Variants in TPD52 observed in about 807,000 individuals in gnomAD.
TPD52 encodes tumor protein D52, also known as prostate and colon associated protein.
In TPD52, 17 loss-of-function variants were observed where a neutral mutation model predicts 31.3. The observed-to-expected ratio is 0.54, with a 90% confidence interval of 0.37 to 0.82. The LOEUF is 0.82. Ranked by LOEUF, TPD52 falls within the 40% of genes least tolerant of loss-of-function variation. The pLI is 0.00. For synonymous variants in TPD52, 83 were observed against 89.6 expected (o/e 0.93, Z 0.42); for missense variants, 212 against 240.1 (o/e 0.88, Z 0.77).
rs751830165 is a variant in TPD52, at chr8:80,161,022, A to T, written c.19+10403T>A. On this transcript the variant is annotated intron_variant, in intron 1 of 7. Coordinates refer to ENST00000518937, the MANE Select transcript of TPD52 (RefSeq NM_001025253.3). ...AGTTGCAGTGAGCCTCAATCACTGC[A>T]CTCCACTGCACTCCAGCCTGGGCAA... Among the ~76,000 whole-genome samples, 9 of 151,870 alleles carry T rather than the reference A, an allele frequency of 5.9e-5. No homozygotes were observed. The South Asian group carries it at 1.7e-3, about 28-fold the overall frequency.
intron 1 of TPD52, among the ~76,000 whole-genome samples, chr8:80,139,481 AG>A (rs1446985043): frequency 1.3e-5 from 2 of 152,198 alleles, no homozygotes; most frequent in Non-Finnish European, 2.9e-5. Context: ...TAAACTGTCC[AG>A]GTTATCCAAA....
intron 1 of TPD52, among the ~76,000 whole-genome samples, chr8:80,111,163 G>C (rs970425892): frequency 5.3e-5 from 8 of 152,198 alleles, no homozygotes; most frequent in African/African-American, 1.9e-4. Context: ...AGTGAGCTAC[G>C]ATATCATCAC....
At chr8:80,134,236 C>G (rs947184264) in intron 1 of TPD52, among the ~76,000 whole-genome samples, 1 of 152,214 alleles carries the variant, frequency 6.6e-6, no homozygotes, top group Non-Finnish European at 1.5e-5. Flanking sequence ...TGCCTTGGTC[C>G]TTACCCAACC....
At chr8:80,117,720 C>CA (rs1029570719) in intron 1 of TPD52, among the ~76,000 whole-genome samples, 2 of 135,744 alleles carry the variant, frequency 1.5e-5, no homozygotes, top group South Asian at 2.3e-4. Flanking sequence ...CTCATGCTTT[C>CA]TTTTTTTTTC....
chr8:80,117,072 T>C (rs1316615687), intron 1 of TPD52, among the ~76,000 whole-genome samples: 2 of 152,186 alleles, frequency 1.3e-5, no homozygotes, highest in African/African-American at 2.4e-5. Flanking sequence ...CGAATGTTTT[T>C]CCCCTAAGAC....
intron 1 of TPD52, among the ~76,000 whole-genome samples, chr8:80,114,406 A>G (rs534268853): frequency 1.4e-4 from 22 of 152,320 alleles, no homozygotes; most frequent in African/African-American, 4.8e-4. Flanking sequence ...CAACTAAAAC[A>G]TAAGTTTTAG....
rs529269059 is a variant in TPD52, at chr8:80,101,426, C to T, written c.20-36833G>A. Among the ~76,000 whole-genome samples, 5 of 131,826 alleles carry T rather than the reference C, an allele frequency of 3.8e-5. No homozygotes were observed. In the East Asian group the frequency reaches 8.3e-4, roughly 22 times the overall value. The allele number at this position is 131,826 out of a possible 152,430, so 86.5% of individuals were successfully genotyped here. ...CGGCAACACTACAATCCAGCCTGGG[C>T]GACAGAGTGAGACTCCCAGCTCAAA... On this transcript the variant is annotated intron_variant, in intron 1 of 7. Transcript: ENST00000518937.
At chr8:80,145,197 C>T (rs564836219) in intron 1 of TPD52, among the ~76,000 whole-genome samples, 1 of 152,156 alleles carries the variant, frequency 6.6e-6, no homozygotes, top group Non-Finnish European at 1.5e-5. Context: ...AGTTTCCTTA[C>T]AAGAGAAAGG....
intron 1 of TPD52, among the ~76,000 whole-genome samples, chr8:80,129,521 T>C (rs964623707): frequency 6.6e-6 from 1 of 152,194 alleles, no homozygotes; most frequent in African/African-American, 2.4e-5. Context: ...AGCTGAGCCA[T>C]AGCTAAGTGC....
intron 1 of TPD52, among the ~76,000 whole-genome samples, chr8:80,119,351 C>G (rs766397641): frequency 4.7e-4 from 72 of 152,170 alleles, no homozygotes; most frequent in Non-Finnish European, 9.6e-4. Flanking sequence ...AAATGTTGTA[C>G]AAGTATCTGG....
At chr8:80,158,761 G>T (rs1811143272) in intron 1 of TPD52, 1 of 151,296 alleles carries the variant, frequency 6.6e-6, no homozygotes, top group African/African-American at 2.4e-5. Context: ...CGGCTAAAAC[G>T]ATGAAACCCC....
chr8:80,076,946 C>T lies in TPD52; in HGVS notation c.20-12353G>A, dbSNP rs148508441. Among the ~76,000 whole-genome samples, 624 of 151,922 alleles carry T rather than the reference C, an allele frequency of 4.1e-3. 15 individuals are homozygous for T. The highest frequency in any genetic ancestry group is 0.037 in the Admixed American group (562 of 15,256). On this transcript the variant is annotated intron_variant, in intron 1 of 7. Transcript: ENST00000518937. ...ACTCCCAAAGTGCTGGGATTACAGGCATGATCCACTGCGCCCAGCCAAAAG... is the reference window on the plus strand; with the variant it reads ...ACTCCCAAAGTGCTGGGATTACAGGTATGATCCACTGCGCCCAGCCAAAAG...
At chr8:80,100,765 C>T (rs768932459) in intron 1 of TPD52, among the ~76,000 whole-genome samples, 11 of 152,200 alleles carry the variant, frequency 7.2e-5, no homozygotes, top group South Asian at 2.1e-4. Context: ...GACCAATGTC[C>T]CAGCTGGAAG....
rs34027501 is a variant in TPD52 at position 80,164,898 on chromosome 8, CAAAAAAAAA to C, written c.19+6518_19+6526del. On this transcript the variant is annotated intron_variant, in intron 1 of 7. Coordinates refer to ENST00000518937, the MANE Select transcript of TPD52 (RefSeq NM_001025253.3). Reference sequence around the variant, plus strand: ...TGGGTGGCAGAGGGAGACAATGTCTCAAAAAAAAAAAAAAAAAAAAAAAAAAAAAGAGCT... The same window carrying C: ...TGGGTGGCAGAGGGAGACAATGTCTCAAAAAAAAAAAAAAAAAAAAGAGCT... 1.7e-3 allele frequency among the ~76,000 whole-genome samples: 54 copies of C among 31,908 alleles called. 1 individual carries two copies. The highest frequency in any genetic ancestry group is 5.2e-3 in the African/African-American group (47 of 9,006). 20.9% of individuals were successfully genotyped at this position (31,908 alleles called of 152,430 possible). A position where few individuals can be genotyped will look rare whatever the true frequency, so the allele number is the denominator to read the frequency against.
chr8:80,142,359 G>C (rs1244740414), intron 1 of TPD52, among the ~76,000 whole-genome samples: 1 of 152,156 alleles, frequency 6.6e-6, no homozygotes, highest in Non-Finnish European at 1.5e-5. Context: ...TTAAGGTTGG[G>C]CTGGTCCACA....
chr8:80,132,334 T>C (rs1809080178), intron 1 of TPD52, among the ~76,000 whole-genome samples: 1 of 152,168 alleles, frequency 6.6e-6, no homozygotes, highest in Admixed American at 6.6e-5. Context: ...ACAGCACTTC[T>C]TGGGTTTACA....
At chr8:80,083,485 G>T (rs766392994) in intron 1 of TPD52, among the ~76,000 whole-genome samples, 6 of 151,734 alleles carry the variant, frequency 4.0e-5, no homozygotes, top group Non-Finnish European at 8.8e-5. Context: ...TCTCCTGATA[G>T]TGAATGAGAT....
At position 80,080,362 on chromosome 8, in the gene TPD52, G is replaced by A. The variant is rs1195708759; in HGVS notation, c.20-15769C>T. 3.1e-6 allele frequency: 5 copies of A among 1,614,014 alleles called. No homozygotes were observed. The East Asian group carries it at 6.7e-5, about 22-fold the overall frequency. Reference sequence around the variant, plus strand: ...TCCGGGTGGAGATGAATTTCCACTAGGAGACAAGTAGAGATAGCTTTTGTT... The same window carrying A: ...TCCGGGTGGAGATGAATTTCCACTAAGAGACAAGTAGAGATAGCTTTTGTT... On this transcript the variant is annotated intron_variant, in intron 1 of 7. Transcript: ENST00000518937.
intron 1 of TPD52, chr8:80,127,511 C>G (rs1808699463): frequency 6.6e-6 from 1 of 152,168 alleles, no homozygotes; most frequent in Non-Finnish European, 1.5e-5. Context: ...GGCTATAGAG[C>G]TCTTGGTTCT....
Sources: gnomAD v4.1 joint callset for allele counts (sites outside exome capture counted in the v4.1 genomes callset) on GRCh38, gnomAD v4.1.1 for gene constraint, MANE v1.5 for transcripts, NCBI Gene and HGNC (gene_info 2026-07-23, HGNC 2026-07-21) for gene names.